Variants in RP1 observed in about 807,000 individuals in gnomAD.
RP1 encodes RP1 axonemal microtubule associated, also known as oxygen-regulated protein 1.
Under a neutral mutation model 14.8 loss-of-function variants are expected in RP1, and 16 were observed. That is an observed-to-expected ratio of 1.08 (90% CI 0.73 to 1.65). The LOEUF (loss-of-function observed/expected upper bound fraction) is 1.65. RP1 is among the 40% of genes most tolerant of loss of function. The pLI is 0.00. For synonymous variants in RP1, 876 were observed against 883.6 expected (o/e 0.99, Z 0.15); for missense variants, 2,631 against 2,535.0 (o/e 1.04, Z -0.81).
intron 3 of RP1, among the ~76,000 whole-genome samples, chr8:54,639,857 A>C (rs1472951223): frequency 6.6e-6 from 1 of 152,182 alleles, no homozygotes; most frequent in Non-Finnish European, 1.5e-5. Flanking sequence ...ATATATTCAG[A>C]TGTATGTCTT....
downstream of RP1, among the ~76,000 whole-genome samples, chr8:54,774,290 T>C (rs951985517): frequency 2.6e-5 from 4 of 152,142 alleles, no homozygotes; most frequent in Admixed American, 2.6e-4. Flanking sequence ...CAGGAATCAG[T>C]ATCTCAAATG....
intron 28 of RP1, chr8:54,869,741 G>T (rs1026236744): frequency 5.1e-5 from 22 of 427,856 alleles, no homozygotes; most frequent in Non-Finnish European, 7.9e-5. Flanking sequence ...CTCTCTAAAG[G>T]CCTCTTTAAA....
At chr8:54,610,503 A>G (rs1360211591) in intron 1 of RP1, among the ~76,000 whole-genome samples, 1 of 152,120 alleles carries the variant, frequency 6.6e-6, no homozygotes, top group East Asian at 1.9e-4. Flanking sequence ...CCTTTAGTAT[A>G]CTTAAGAATC....
At chr8:54,839,896 A>C (rs1037922550) in intron 25 of RP1, among the ~76,000 whole-genome samples, 3 of 152,210 alleles carry the variant, frequency 2.0e-5, no homozygotes, top group Non-Finnish European at 4.4e-5. Flanking sequence ...AGTTTGCAAA[A>C]ACATTCTCTC....
Position 54,620,959 on chromosome 8 carries a change from C to A in RP1, c.-8C>A. The A allele has an allele frequency of 6.2e-7, 1 of 1,614,108 alleles. No homozygotes were observed. The highest frequency in any genetic ancestry group is 8.5e-7 in the Non-Finnish European group (1 of 1,179,980). On this transcript the variant is annotated 5_prime_UTR_variant, in exon 2 of 4. Coordinates refer to ENST00000220676, the MANE Select transcript of RP1 (RefSeq NM_006269.2). ...ATAATTTTCTTTCTTCTCTAGGTCTCAGCCAAAATGAGTGATACCCCTTCT... is the reference window on the plus strand; with the variant it reads ...ATAATTTTCTTTCTTCTCTAGGTCTAAGCCAAAATGAGTGATACCCCTTCT...
intron 23 of RP1, among the ~76,000 whole-genome samples, chr8:54,777,910 G>GA (rs1281063059): frequency 6.6e-6 from 1 of 152,104 alleles, no homozygotes; most frequent in Non-Finnish European, 1.5e-5. Flanking sequence ...TCCTTTGTGT[G>GA]AAAAATGACA....
intron 12 of RP1, among the ~76,000 whole-genome samples, chr8:54,694,258 G>A (rs1003153757): frequency 2.0e-5 from 3 of 151,982 alleles, no homozygotes; most frequent in Non-Finnish European, 2.9e-5. Flanking sequence ...AACGTTCATC[G>A]AGGATATTGG....
At chr8:54,738,937 A>C (rs1322299028) in intron 18 of RP1, 1 of 1,457,286 alleles carries the variant, frequency 6.9e-7, no homozygotes, top group African/African-American at 1.4e-5. Context: ...TTTGCATTTC[A>C]TTCAGGTTGA....
chr8:54,793,046 T>G (rs1462072018), intron 24 of RP1, among the ~76,000 whole-genome samples: 2 of 151,870 alleles, frequency 1.3e-5, no homozygotes, highest in Admixed American at 6.6e-5. Flanking sequence ...CATAAGAGAC[T>G]GCTATGAACT....
chr8:54,820,946 C>T (rs113991520), intron 24 of RP1, among the ~76,000 whole-genome samples: 40 of 152,118 alleles, frequency 2.6e-4, no homozygotes, highest in African/African-American at 9.6e-4. Context: ...AGAGAATATC[C>T]TTAGGCGAAG....
intron 24 of RP1, among the ~76,000 whole-genome samples, chr8:54,833,105 C>A (rs1811572236): frequency 6.6e-6 from 1 of 151,992 alleles, no homozygotes; most frequent in South Asian, 2.1e-4. Context: ...CTGGCATTTA[C>A]ATGCAGATTT....
intron 1 of RP1, among the ~76,000 whole-genome samples, chr8:54,597,944 G>A (rs1219931991): frequency 6.6e-6 from 1 of 151,982 alleles, no homozygotes; most frequent in Non-Finnish European, 1.5e-5. Flanking sequence ...ACCACCACAA[G>A]AAAGATGCAG....
chr8:54,869,741 G>A (rs1026236744), intron 28 of RP1: 5 of 427,856 alleles, frequency 1.2e-5, no homozygotes, highest in Admixed American at 4.4e-5. Flanking sequence ...CTCTCTAAAG[G>A]CCTCTTTAAA....
chr8:54,619,989 G>A (rs1388810996), intron 1 of RP1, among the ~76,000 whole-genome samples: 1 of 152,086 alleles, frequency 6.6e-6, no homozygotes, highest in Non-Finnish European at 1.5e-5. Flanking sequence ...TTGATGAACT[G>A]CAAAACTCTC....
downstream of RP1, among the ~76,000 whole-genome samples, chr8:54,773,249 T>C (rs999710564): frequency 2.0e-5 from 3 of 152,192 alleles, no homozygotes; most frequent in African/African-American, 7.2e-5. Flanking sequence ...GGATAATTTT[T>C]CTTACTTCCT....
intron 15 of RP1, among the ~76,000 whole-genome samples, chr8:54,713,995 G>C (rs997918761): frequency 5.3e-5 from 8 of 152,182 alleles, no homozygotes; most frequent in Non-Finnish European, 1.0e-4. Flanking sequence ...CTTCTAACCT[G>C]CAAACTGTCT....
intron 7 of RP1, among the ~76,000 whole-genome samples, chr8:54,671,230 G>T (rs938470052): frequency 6.6e-6 from 1 of 151,980 alleles, no homozygotes; most frequent in Non-Finnish European, 1.5e-5. Context: ...CTTCATATAT[G>T]ATGAGTTGCC....
intron 26 of RP1, among the ~76,000 whole-genome samples, chr8:54,853,640 T>C (rs902670693): frequency 6.6e-6 from 1 of 151,548 alleles, no homozygotes; most frequent in African/African-American, 2.4e-5. Context: ...TAAAATATTA[T>C]TGGAAAAAAA....
At chr8:54,706,675 T>C (rs1321224038) in intron 15 of RP1, 2 of 1,534,948 alleles carry the variant, frequency 1.3e-6, no homozygotes, top group Middle Eastern at 1.7e-4. Flanking sequence ...TGCTCTTGTT[T>C]CTCTCAGCAA....
Sources: allele counts gnomAD v4.1 joint callset (sites outside exome capture counted in the v4.1 genomes callset), GRCh38; gene constraint gnomAD v4.1.1; transcripts MANE v1.5; gene names NCBI Gene and HGNC (gene_info 2026-07-23, HGNC 2026-07-21).